The following SOCS4 variants were observed in gnomAD, a reference collection of about 807,000 sequenced individuals.
The protein encoded by SOCS4 is suppressor of cytokine signaling 4, also known as SH2 domain containing SOCS box protein.
A neutral mutation model predicts 34.1 loss-of-function variants in SOCS4; 20 were observed. That is an observed-to-expected ratio of 0.59 (90% CI 0.41 to 0.85). The LOEUF is 0.85. Ranked by LOEUF, SOCS4 falls within the 40% of genes least tolerant of loss-of-function variation. SOCS4 has a pLI of 0.00. For missense variants in SOCS4, 479 were observed against 532.4 expected (o/e 0.90, Z 0.99); for synonymous variants, 180 against 186.4 (o/e 0.97, Z 0.28).
intron 2 of SOCS4, among the ~76,000 whole-genome samples, chr14:55,036,496 A>T (rs1307477204): frequency 6.6e-6 from 1 of 151,952 alleles, no homozygotes; most frequent in Admixed American, 6.6e-5. Context: ...GGTGCCTGCC[A>T]CCACACCCAG....
At chr14:55,028,240 G>T (rs868014580) in intron 1 of SOCS4, among the ~76,000 whole-genome samples, 25 of 152,074 alleles carry the variant, frequency 1.6e-4, no homozygotes, top group African/African-American at 6.0e-4. Flanking sequence ...CATTGTGTGA[G>T]GCGTTGTTTT....
rs779988134 is a variant in SOCS4 at position 55,044,174 on chromosome 14, C to T, written c.1133C>T (p.Ser378Phe). The change falls in exon 3 of 3, where the codon TCC becomes TTC. Residue 378 changes from serine (S) to phenylalanine (F), a missense_variant. Ser to Phe is a radical substitution (Grantham distance 155, BLOSUM62 -2). Transcript: ENST00000555846. ...SACMFFEPLL[S>F]TPLIRTFPFS... ...TGTATGTTCTTTGAACCACTTCTAT[C>T]CACTCCCTTAATTCGGACTTTCCCT... 1 of 1,614,100 alleles carries T rather than the reference C, an allele frequency of 6.2e-7. No homozygotes were observed. Among genetic ancestry groups the T allele is most frequent in the East Asian group, 2.2e-5 (1 of 44,878 alleles).
intron 2 of SOCS4, among the ~76,000 whole-genome samples, chr14:55,036,271 A>G (rs2042571483): frequency 5.3e-5 from 8 of 152,120 alleles, no homozygotes; most frequent in Admixed American, 5.2e-4. Context: ...TAAAATTAGA[A>G]TAATGTACTT....
Position 55,044,022 on chromosome 14 carries a change from T to A in SOCS4, c.981T>A (p.Tyr327Ter). 1 of 1,614,198 alleles carries A rather than the reference T, an allele frequency of 6.2e-7. No individual in the cohort carries two copies. The highest frequency in any genetic ancestry group is 2.2e-5 in the East Asian group (1 of 44,884). ...TATTCTCTGTTAGTTTTAGACGCTA[T>A]AGTCGTTCTCTTCATGCTAGAATTG... Reference protein sequence around the residue: ...DYLFSVSFRRYSRSLHARIEQ... With the variant: ...DYLFSVSFRR The change falls in exon 3 of 3, where the codon TAT becomes TAA. Residue 327 changes from tyrosine (Y) to a stop codon, truncating the protein, a stop_gained. Transcript: ENST00000555846. LOFTEE classifies it high-confidence loss of function.
Position 55,044,387 on chromosome 14 carries a change from T to G in SOCS4, c.*23T>G. The stretch of plus-strand genomic sequence containing the variant: ...TAGTAACAGGATGGGAACATGGGAA[T>G]GATAATATATATTTTTTCTTTTAAT... On this transcript the variant is annotated 3_prime_UTR_variant, in exon 3 of 3. Coordinates refer to ENST00000555846, the MANE Select transcript of SOCS4 (RefSeq NM_199421.2). 1 of 1,396,734 alleles carries G rather than the reference T, an allele frequency of 7.2e-7. No individual in the cohort carries two copies. Among genetic ancestry groups the G allele is most frequent in the Non-Finnish European group, 9.4e-7 (1 of 1,067,276 alleles). 86.5% of individuals were successfully genotyped at this position (1,396,734 alleles called of 1,614,324 possible).
intron 2 of SOCS4, among the ~76,000 whole-genome samples, chr14:55,036,894 C>A (rs1178446681): frequency 6.6e-6 from 1 of 151,880 alleles, no homozygotes; most frequent in Non-Finnish European, 1.5e-5. Context: ...GTGGGCAGAT[C>A]ACTTGAGCCC....
intron 2 of SOCS4, among the ~76,000 whole-genome samples, chr14:55,038,532 A>G (rs897485700): frequency 2.6e-5 from 4 of 152,316 alleles, no homozygotes; most frequent in Middle Eastern, 3.4e-3. Context: ...TTAGGGAGGT[A>G]TAAATCTAGC....
intron 2 of SOCS4, among the ~76,000 whole-genome samples, chr14:55,038,511 C>T (rs963434061): frequency 2.6e-5 from 4 of 152,160 alleles, no homozygotes; most frequent in African/African-American, 9.7e-5. Context: ...AAAGTATCTG[C>T]CACTCTTCTG....
intron 2 of SOCS4, among the ~76,000 whole-genome samples, chr14:55,033,196 A>G (rs1289738034): frequency 2.0e-5 from 3 of 152,234 alleles, no homozygotes. Flanking sequence ...TGTATGGACA[A>G]GATACGAAAG....
At chr14:55,040,130 A>G (rs1450750191) in intron 2 of SOCS4, among the ~76,000 whole-genome samples, 4 of 152,250 alleles carry the variant, frequency 2.6e-5, no homozygotes, top group African/African-American at 9.6e-5. Context: ...GAATTTAGTC[A>G]ATGAACAGCC....
intron 2 of SOCS4, among the ~76,000 whole-genome samples, chr14:55,038,057 C>T (rs1235961277): frequency 6.6e-6 from 1 of 152,098 alleles, no homozygotes; most frequent in Non-Finnish European, 1.5e-5. Context: ...GCTGGGGAGG[C>T]CTCATAATCA....
In SOCS4 at chr14:55,047,012, T is replaced by G. The variant is rs1405660989; in HGVS notation, c.*2648T>G. 1.8e-5 allele frequency: 3 copies of G among 167,028 alleles called. No individual in the cohort carries two copies. Among genetic ancestry groups the G allele is most frequent in the African/African-American group, 7.2e-5 (3 of 41,460 alleles). 10.3% of individuals were successfully genotyped at this position (167,028 alleles called of 1,614,324 possible). A position where few individuals can be genotyped will look rare whatever the true frequency, so the allele number is the denominator to read the frequency against. On this transcript the variant is annotated 3_prime_UTR_variant, in exon 3 of 3. Coordinates refer to ENST00000555846, the MANE Select transcript of SOCS4 (RefSeq NM_199421.2). ...AATTTTGAGAGGAACAATGTGGGAA[T>G]GTATAAATTTGTCTAAAATTTTATA...
At chr14:55,032,898 T>G (rs1315717766) in intron 2 of SOCS4, among the ~76,000 whole-genome samples, 1 of 152,154 alleles carries the variant, frequency 6.6e-6, no homozygotes, top group Non-Finnish European at 1.5e-5. Flanking sequence ...TTCTCCTGCC[T>G]CAGCCTCCCG....
intron 2 of SOCS4, among the ~76,000 whole-genome samples, chr14:55,033,756 C>T (rs556047844): frequency 6.6e-6 from 1 of 152,308 alleles, no homozygotes; most frequent in Admixed American, 6.5e-5. Context: ...TGTTATAAAA[C>T]GTCTATGGTC....
At chr14:55,029,010 A>G (rs1048229730) in intron 1 of SOCS4, among the ~76,000 whole-genome samples, 2 of 152,200 alleles carry the variant, frequency 1.3e-5, no homozygotes, top group Non-Finnish European at 2.9e-5. Flanking sequence ...TTTTTTGTTT[A>G]AAGTGGGATT....
chr14:55,041,089 T>C (rs1050135388), intron 2 of SOCS4, among the ~76,000 whole-genome samples: 21 of 152,262 alleles, frequency 1.4e-4, no homozygotes, highest in African/African-American at 4.8e-4. Context: ...GGTTTTGCCA[T>C]GTTGCCCAGG....
chr14:55,030,046 A>T (rs892837827), intron 1 of SOCS4, among the ~76,000 whole-genome samples: 1 of 152,176 alleles, frequency 6.6e-6, no homozygotes, highest in African/African-American at 2.4e-5. Flanking sequence ...GTCTTTATCT[A>T]GTCACACACC....
intron 1 of SOCS4, among the ~76,000 whole-genome samples, chr14:55,030,432 A>G (rs1330859627): frequency 6.6e-6 from 1 of 152,160 alleles, no homozygotes; most frequent in African/African-American, 2.4e-5. Flanking sequence ...CAGAAATGGA[A>G]GAGCCTCCTT....
intron 2 of SOCS4, among the ~76,000 whole-genome samples, chr14:55,038,052 G>T (rs2042588582): frequency 6.6e-6 from 1 of 152,156 alleles, no homozygotes; most frequent in Non-Finnish European, 1.5e-5. Flanking sequence ...ACATGGCTGG[G>T]GAGGCCTCAT....
Sources: allele counts gnomAD v4.1 joint callset (sites outside exome capture counted in the v4.1 genomes callset), GRCh38; gene constraint gnomAD v4.1.1; transcripts MANE v1.5; gene names NCBI Gene and HGNC (gene_info 2026-07-23, HGNC 2026-07-21).